PTK2: variants seen among roughly 807,000 people sequenced by gnomAD.
PTK2 encodes protein tyrosine kinase 2.
A neutral mutation model predicts 150.1 loss-of-function variants in PTK2; 45 were observed. The observed-to-expected ratio is 0.30, with a 90% confidence interval of 0.24 to 0.38. The LOEUF (loss-of-function observed/expected upper bound fraction) is 0.38, where lower values mean the gene tolerates loss of function less well. Among genes scored for constraint, PTK2 ranks in the 10% least tolerant of loss-of-function variants. The pLI, the probability that PTK2 is intolerant of heterozygous loss-of-function variation, is 1.00. For missense variants in PTK2, 919 were observed against 1,307.3 expected (o/e 0.70, Z 4.58); for synonymous variants, 432 against 449.2 (o/e 0.96, Z 0.48).
At chr8:140,906,597 T>A (rs977236488) in intron 2 of PTK2, among the ~76,000 whole-genome samples, 2 of 152,100 alleles carry the variant, frequency 1.3e-5, no homozygotes, top group African/African-American at 4.8e-5. Context: ...CATTCACAGT[T>A]AGGAGCTAAA....
chr8:140,660,834 T>C (rs1437738063), intron 31 of PTK2, among the ~76,000 whole-genome samples: 1 of 152,256 alleles, frequency 6.6e-6, no homozygotes, highest in Non-Finnish European at 1.5e-5. Flanking sequence ...GAGAGTCTCA[T>C]GATCCTTCTT....
intron 1 of PTK2, among the ~76,000 whole-genome samples, chr8:140,930,083 A>C (rs543695904): frequency 6.6e-6 from 1 of 152,346 alleles, no homozygotes; most frequent in South Asian, 2.1e-4. Flanking sequence ...TAAACCTCCA[A>C]TAAATCTCCT....
intron 2 of PTK2, 101 bp from the exon 3 acceptor site, chr8:140,890,870 T>C (rs779696907): frequency 1.1e-5 from 11 of 997,022 alleles, no homozygotes; most frequent in Non-Finnish European, 1.6e-5. Context: ...TCTCTCTTGA[T>C]ATGTTATATG....
At chr8:140,927,958 GAAAAA>G (rs57931737) in intron 1 of PTK2, among the ~76,000 whole-genome samples, 263 of 63,682 alleles carry the variant, frequency 4.1e-3, no homozygotes, top group East Asian at 0.023. Flanking sequence ...AAAAAAAAAA[GAAAAA>G]AAAAAAAAAA....
At chr8:140,783,019 G>A (rs1332591168) in intron 14 of PTK2, among the ~76,000 whole-genome samples, 3 of 152,004 alleles carry the variant, frequency 2.0e-5, no homozygotes, top group African/African-American at 7.3e-5. Flanking sequence ...CAGGCAGGTC[G>A]CTTGAGCCCA....
intron 1 of PTK2, among the ~76,000 whole-genome samples, chr8:140,938,009 A>G (rs1013765072): frequency 1.3e-5 from 2 of 152,202 alleles, no homozygotes; most frequent in Admixed American, 6.5e-5. Flanking sequence ...GTATCCTCAA[A>G]CTTAGTTGAT....
chr8:140,793,351 T>C lies in PTK2; in HGVS notation c.1124+3A>G. ...ATAACAGTACAAAAAAAGCAGTACT[T>C]ACTTTGGTATTGATGGCAAAGCCCG... On this transcript the variant is annotated splice_donor_region_variant and intron_variant, in intron 13 of 31. Transcript: ENST00000522684. 1 of 1,608,680 alleles carries C rather than the reference T, an allele frequency of 6.2e-7. No individual in the cohort carries two copies. The highest frequency in any genetic ancestry group is 1.3e-5 in the African/African-American group (1 of 74,718).
At chr8:140,723,924 G>T (rs1592238144) in intron 22 of PTK2, among the ~76,000 whole-genome samples, 1 of 152,280 alleles carries the variant, frequency 6.6e-6, no homozygotes, top group East Asian at 1.9e-4. Context: ...CACAGTAAAA[G>T]GACATAAAAA....
chr8:140,750,259 A>G (rs1410868706), intron 17 of PTK2: 1 of 152,254 alleles, frequency 6.6e-6, no homozygotes. Context: ...AATGGAAAAC[A>G]GAAGGCATTC....
chr8:140,941,857 C>A (rs1395208432), intron 1 of PTK2, among the ~76,000 whole-genome samples: 4 of 150,454 alleles, frequency 2.7e-5, no homozygotes, highest in African/African-American at 9.7e-5. Flanking sequence ...AGGCACGCAC[C>A]ACCACGCCCA....
intron 5 of PTK2, among the ~76,000 whole-genome samples, chr8:140,862,350 T>A (rs542078436): frequency 6.6e-6 from 1 of 152,116 alleles, no homozygotes; most frequent in Non-Finnish European, 1.5e-5. Context: ...CGCCAAAATA[T>A]GAAGTTCAAC....
At chr8:140,732,068 G>A (rs34275384) in intron 22 of PTK2, among the ~76,000 whole-genome samples, 4,536 of 152,104 alleles carry the variant, frequency 0.03, 171 homozygotes, top group African/African-American at 0.084. Context: ...TAATTTTAAC[G>A]ACCAAAGGGC....
intron 1 of PTK2, among the ~76,000 whole-genome samples, chr8:140,983,570 C>G (rs776245515): frequency 5.3e-5 from 8 of 151,958 alleles, no homozygotes; most frequent in Non-Finnish European, 1.0e-4. Context: ...GTAAACTTGT[C>G]CATGTGCCTG....
At chr8:140,795,959 TCA>T (rs1490037710) in intron 12 of PTK2, among the ~76,000 whole-genome samples, 3 of 152,274 alleles carry the variant, frequency 2.0e-5, no homozygotes, top group Non-Finnish European at 4.4e-5. Context: ...CTGGAATACC[TCA>T]GTTTGCATTG....
intron 8 of PTK2, among the ~76,000 whole-genome samples, chr8:140,825,717 C>T (rs772239456): frequency 3.3e-5 from 5 of 152,292 alleles, no homozygotes; most frequent in Middle Eastern, 3.4e-3. Flanking sequence ...TTCACTGCTC[C>T]GGATTCCACA....
Position 140,849,279 on chromosome 8 carries a change from C to A in PTK2, c.451-2601G>T, listed in dbSNP as rs537373405. 4.6e-5 allele frequency among the ~76,000 whole-genome samples: 7 copies of A among 152,296 alleles called. No homozygotes were observed. The South Asian group carries it at 1.4e-3, about 32-fold the overall frequency. On this transcript the variant is annotated intron_variant, in intron 5 of 31. Transcript: ENST00000522684. The stretch of plus-strand genomic sequence containing the variant: ...CCCCAAAGCAGCTTCCCCTCTGCTG[C>A]CAGAGAGAAAGCAAACTCTATTCAG...
intron 2 of PTK2, among the ~76,000 whole-genome samples, chr8:140,906,792 G>A (rs1482140726): frequency 6.6e-6 from 1 of 152,176 alleles, no homozygotes; most frequent in African/African-American, 2.4e-5. Context: ...ATTTTAAAAT[G>A]AGAATTGTAA....
intron 27 of PTK2, among the ~76,000 whole-genome samples, chr8:140,685,716 T>C (rs2100019393): frequency 6.6e-6 from 1 of 152,174 alleles, no homozygotes; most frequent in African/African-American, 2.4e-5. Flanking sequence ...TCAGAATGTC[T>C]ATTATTAAAA....
At chr8:140,857,501 A>C (rs2100133418) in intron 5 of PTK2, among the ~76,000 whole-genome samples, 1 of 152,230 alleles carries the variant, frequency 6.6e-6, no homozygotes. Flanking sequence ...GGGACCTGCT[A>C]TATAAACCAG....
Sources: gnomAD v4.1 joint callset for allele counts (sites outside exome capture counted in the v4.1 genomes callset) on GRCh38, gnomAD v4.1.1 for gene constraint, MANE v1.5 for transcripts, NCBI Gene and HGNC (gene_info 2026-07-23, HGNC 2026-07-21) for gene names.